Variants in MEGF11 observed in about 807,000 individuals in gnomAD.
MEGF11 encodes multiple epidermal growth factor-like domains protein 11.
MEGF11 carries 126 observed loss-of-function variants against 146.6 expected under a neutral mutation model. The observed-to-expected ratio is 0.86, with a 90% CI of 0.74 to 1.00. The LOEUF is 1.00. Ranked by LOEUF, MEGF11 falls within the 50% of genes least tolerant of loss-of-function variation. MEGF11 has a pLI of 0.00. For missense variants in MEGF11, 1,509 were observed against 1,521.2 expected, an observed-to-expected ratio of 0.99 and a Z score of 0.13; for synonymous variants, 532 against 583.4, an observed-to-expected ratio of 0.91 and a Z score of 1.27.
chr15:66,174,098 C>T (rs8029386), intron 1 of MEGF11, among the ~76,000 whole-genome samples: 94,857 of 152,112 alleles, frequency 0.62, 30,216 homozygotes, highest in East Asian at 0.74. Flanking sequence ...TCATTCTGGC[C>T]TGGTCTCAAT....
chr15:66,126,438 G>C (rs535995332), intron 2 of MEGF11, among the ~76,000 whole-genome samples: 1 of 152,304 alleles, frequency 6.6e-6, no homozygotes, highest in African/African-American at 2.4e-5. Context: ...AGCCTAAGAA[G>C]CCTGAAATGC....
intron 1 of MEGF11, among the ~76,000 whole-genome samples, chr15:66,206,963 GAAGA>G (rs1000462011): frequency 6.6e-6 from 1 of 152,100 alleles, no homozygotes; most frequent in Non-Finnish European, 1.5e-5. Context: ...TGAGCAGCCA[GAAGA>G]AAGAATCAGT....
intron 4 of MEGF11, among the ~76,000 whole-genome samples, chr15:66,105,698 G>A (rs781380240): frequency 1.3e-5 from 2 of 152,216 alleles, no homozygotes; most frequent in African/African-American, 4.8e-5. Context: ...TGAGCCCTGC[G>A]GCTGTTTCAG....
chr15:66,196,232 G>A (rs1200903658), intron 1 of MEGF11, among the ~76,000 whole-genome samples: 1 of 152,158 alleles, frequency 6.6e-6, no homozygotes, highest in Admixed American at 6.5e-5. Context: ...AGCACTTCAG[G>A]AGGCTGAGGC....
intron 1 of MEGF11, among the ~76,000 whole-genome samples, chr15:66,210,268 G>A (rs756213216): frequency 2.6e-5 from 4 of 152,148 alleles, no homozygotes; most frequent in Non-Finnish European, 4.4e-5. Flanking sequence ...CAAATATCTC[G>A]AAACAGGACC....
rs765447292 is a variant in MEGF11 at position 65,982,234 on chromosome 15, T to G, written c.641+8A>C. On this transcript the variant is annotated splice_region_variant and intron_variant, in intron 6 of 25. Coordinates refer to ENST00000395614, the MANE Select transcript of MEGF11 (RefSeq NM_001385028.1). The surrounding 1 kb of genome is among the most constrained non-coding windows in gnomAD (Gnocchi z 5.6). ...TCCCGCCCCTCCAGGTCCTGCCGCATGACTCACTAGACGCCGGTGTAGCCA... is the reference window on the plus strand; with the variant it reads ...TCCCGCCCCTCCAGGTCCTGCCGCAGGACTCACTAGACGCCGGTGTAGCCA... 3 of 1,315,766 alleles carry G rather than the reference T, an allele frequency of 2.3e-6. No individual in the cohort carries two copies. Among genetic ancestry groups the G allele is most frequent in the South Asian group, 2.5e-5 (2 of 81,056 alleles). The allele number at this position is 1,315,766 out of a possible 1,614,324, so 81.5% of individuals were successfully genotyped here.
intron 1 of MEGF11, among the ~76,000 whole-genome samples, chr15:66,252,614 G>C (rs560881394): frequency 1.3e-5 from 2 of 152,326 alleles, no homozygotes; most frequent in African/African-American, 4.8e-5. Flanking sequence ...GCCACGCCGA[G>C]GCTCGGCGCT....
chr15:66,126,713 C>T (rs2088366799), intron 2 of MEGF11, among the ~76,000 whole-genome samples: 2 of 152,260 alleles, frequency 1.3e-5, no homozygotes, highest in East Asian at 1.9e-4. Context: ...TTAACAGGAC[C>T]AGAGGGATGA....
At chr15:66,184,547 A>G (rs1409190462) in intron 1 of MEGF11, among the ~76,000 whole-genome samples, 5 of 147,652 alleles carry the variant, frequency 3.4e-5, no homozygotes, top group Admixed American at 1.4e-4. Flanking sequence ...CACTCTCCCC[A>G]CAACCCCAAA....
chr15:65,944,125 T>C (rs1458655119), intron 10 of MEGF11, among the ~76,000 whole-genome samples: 1 of 152,160 alleles, frequency 6.6e-6, no homozygotes, highest in Non-Finnish European at 1.5e-5. Flanking sequence ...CAGGGGACTG[T>C]GCCGGGCTTG....
chr15:65,913,070 C>G (rs2078866790), intron 20 of MEGF11, among the ~76,000 whole-genome samples: 1 of 152,196 alleles, frequency 6.6e-6, no homozygotes, highest in Non-Finnish European at 1.5e-5. Context: ...TTTCGTATTT[C>G]CAAGGCAGCA....
At chr15:66,125,122 C>G (rs978937080) in intron 2 of MEGF11, among the ~76,000 whole-genome samples, 16 of 152,260 alleles carry the variant, frequency 1.1e-4, no homozygotes, top group African/African-American at 3.8e-4. Flanking sequence ...GGTCTGGCAT[C>G]CAGAAGGAGG....
At chr15:65,900,138 A>G (rs1596808958) in intron 24 of MEGF11, among the ~76,000 whole-genome samples, 1 of 152,216 alleles carries the variant, frequency 6.6e-6, no homozygotes, top group East Asian at 1.9e-4. Context: ...CAAGGGATCT[A>G]GACACAAGCA....
At chr15:66,149,288 A>G (rs774499950) in intron 1 of MEGF11, among the ~76,000 whole-genome samples, 6 of 152,168 alleles carry the variant, frequency 3.9e-5, no homozygotes, top group Non-Finnish European at 7.3e-5. Flanking sequence ...ATAACCCCAG[A>G]CAGTCTAGAT....
At chr15:66,028,026 G>C (rs569806395) in intron 5 of MEGF11, among the ~76,000 whole-genome samples, 7 of 152,326 alleles carry the variant, frequency 4.6e-5, no homozygotes, top group African/African-American at 1.7e-4. Flanking sequence ...AAGGTGCTCT[G>C]ACAACTGTGA....
chr15:65,990,719 G>A (rs567249348), intron 5 of MEGF11, among the ~76,000 whole-genome samples: 7,160 of 150,364 alleles, frequency 0.048, 275 homozygotes, highest in Non-Finnish European at 0.069. Context: ...AAGGAAGAAA[G>A]AAAGAAAGAA....
rs187692306 is a variant in MEGF11 at position 65,933,367 on chromosome 15, C to A, written c.1288-2424G>T. On this transcript the variant is annotated intron_variant, in intron 10 of 25. Transcript: ENST00000395614. ...ATCTGCTATCAGAAGGGGTTTCTCT[C>A]CCAGTGTCCTCATTAGTGTCCCAAA... Among the ~76,000 whole-genome samples the A allele has an allele frequency of 3.9e-3, 600 of 152,348 alleles. 4 individuals are homozygous for A. The highest frequency in any genetic ancestry group is 0.037 in the Middle Eastern group (11 of 294).
At chr15:65,997,246 G>T (rs888704462) in intron 5 of MEGF11, among the ~76,000 whole-genome samples, 1 of 152,296 alleles carries the variant, frequency 6.6e-6, no homozygotes, top group Admixed American at 6.5e-5. Flanking sequence ...ATCAAAGGAT[G>T]GGACTGGATG....
chr15:66,060,063 G>C (rs2084838819), intron 5 of MEGF11, among the ~76,000 whole-genome samples: 1 of 151,970 alleles, frequency 6.6e-6, no homozygotes. Context: ...AGGGACAAGA[G>C]AGACAGAGGG....
Sources: allele counts gnomAD v4.1 joint callset (sites outside exome capture counted in the v4.1 genomes callset), GRCh38; gene constraint gnomAD v4.1.1; non-coding constraint Gnocchi (gnomAD v3.1); transcripts MANE v1.5; gene names NCBI Gene and HGNC (gene_info 2026-07-23, HGNC 2026-07-21).